The following FGF13 variants were observed in gnomAD, a reference collection of about 807,000 sequenced individuals.
FGF13 encodes the protein fibroblast growth factor 13, also known as fibroblast growth factor homologous factor 2.
A neutral mutation model predicts 19.5 loss-of-function variants in FGF13; 2 were observed. The ratio of observed to expected loss-of-function variants is 0.10; its 90% CI spans 0.04 to 0.32. The LOEUF is 0.32. Among genes scored for constraint, FGF13 ranks in the 10% least tolerant of loss-of-function variants. The pLI, the probability that FGF13 is intolerant of heterozygous loss-of-function variation, is 1.00. For missense variants in FGF13, 113 were observed against 192.7 expected (o/e 0.59, Z 2.45); for synonymous variants, 72 against 76.9 (o/e 0.94, Z 0.33).
intron 3 of FGF13, among the ~76,000 whole-genome samples, chrX:138,653,271 C>A (rs1336904528): frequency 9.0e-6 from 1 of 110,965 alleles, no homozygotes. Context: ...AAATATTAAC[C>A]AAATACATGC....
intron 3 of FGF13, among the ~76,000 whole-genome samples, chrX:138,644,697 T>C (rs2089288300): frequency 8.9e-6 from 1 of 111,918 alleles, no homozygotes; most frequent in African/African-American, 3.3e-5. Flanking sequence ...CTTCAAAAAC[T>C]TTGAAAGGAG....
intron 2 of FGF13, among the ~76,000 whole-genome samples, 168 bp downstream of exon 2, chrX:138,708,650 G>C (rs1431989103): frequency 8.9e-6 from 1 of 112,585 alleles, no homozygotes; most frequent in Non-Finnish European, 1.9e-5. Context: ...ATCTTAGACA[G>C]ACTCATATTC....
intron 1 of FGF13, among the ~76,000 whole-genome samples, chrX:138,949,641 C>A (rs2091800034): frequency 9.0e-6 from 1 of 111,546 alleles, no homozygotes. Context: ...CACTTCAACT[C>A]AGTAAAGATG....
intron 1 of FGF13, among the ~76,000 whole-genome samples, chrX:139,127,424 C>T (rs1009970544): frequency 5.4e-5 from 6 of 111,419 alleles, no homozygotes; most frequent in East Asian, 5.7e-4. Context: ...TTACCTGTGG[C>T]GGATTAGTGT....
intron 3 of FGF13, among the ~76,000 whole-genome samples, chrX:138,680,023 T>G (rs2089712800): frequency 8.9e-6 from 1 of 112,536 alleles, no homozygotes; most frequent in Non-Finnish European, 1.9e-5. Flanking sequence ...CATAGCATCG[T>G]CACCATTCAA....
At chrX:139,140,245 A>T (rs113968936) in intron 1 of FGF13, among the ~76,000 whole-genome samples, 1,159 of 111,103 alleles carry the variant, frequency 0.01, 14 homozygotes, top group South Asian at 0.046. Context: ...GGAGTCATTC[A>T]CTCACCTCAC....
At chrX:138,843,868 T>A (rs2091165331) in intron 3 of FGF13, among the ~76,000 whole-genome samples, 1 of 111,695 alleles carries the variant, frequency 9.0e-6, no homozygotes, top group African/African-American at 3.3e-5. Context: ...CCTTGGTGAG[T>A]GGGACACTCT....
chrX:139,161,371 A>G (rs1445212424), intron 1 of FGF13, among the ~76,000 whole-genome samples: 3 of 111,660 alleles, frequency 2.7e-5, no homozygotes, highest in African/African-American at 9.8e-5. Context: ...CTTATGACAA[A>G]CCCACAGTCA....
At chrX:138,894,270 T>C (rs1603008228) in intron 1 of FGF13, among the ~76,000 whole-genome samples, 1 of 110,063 alleles carries the variant, frequency 9.1e-6, no homozygotes, top group Middle Eastern at 4.7e-3. Context: ...AGCAAACACA[T>C]TCAAAAGCTA....
rs57335781 is a variant in FGF13 at position 139,197,993 on chromosome X, CAAAAAAAA to C, written c.-113+5415_-113+5422del. ...TGGGTGACAGATTGAGACCCTACCTCAAAAAAAAAAAAAAAAAAAAAAAAAGAATAAAA... is the reference window on the plus strand; with the variant it reads ...TGGGTGACAGATTGAGACCCTACCTCAAAAAAAAAAAAAAAAAGAATAAAA... On this transcript the variant is annotated intron_variant, in intron 1 of 2. Coordinates refer to the FGF13 transcript ENST00000421460. Among the ~76,000 whole-genome samples, 12 of 23,292 alleles carry C rather than the reference CAAAAAAAA, an allele frequency of 5.2e-4. 1 individual carries two copies. In the South Asian group the frequency reaches 0.011, roughly 20 times the overall value. The allele number at this position is 23,292 out of a possible 115,157, so 20.2% of individuals were successfully genotyped here.
chrX:138,817,243 C>G (rs781372654), intron 3 of FGF13, among the ~76,000 whole-genome samples: 1 of 111,279 alleles, frequency 9.0e-6, no homozygotes, highest in East Asian at 2.9e-4. Flanking sequence ...TTAGGTATAC[C>G]GCCTTGTGGT....
At chrX:138,886,120 G>C (rs772117758) in intron 1 of FGF13, among the ~76,000 whole-genome samples, 76 of 111,600 alleles carry the variant, frequency 6.8e-4, no homozygotes, top group African/African-American at 2.4e-3. Context: ...CAATTCTGCC[G>C]GTCATGAGGG....
chrX:138,856,489 T>C (rs1347772039), downstream of FGF13, among the ~76,000 whole-genome samples: 2 of 111,839 alleles, frequency 1.8e-5, no homozygotes, highest in African/African-American at 6.5e-5. Flanking sequence ...AGGATTCCCA[T>C]AATGATGCAA....
chrX:139,034,912 A>G (rs888955719), intron 1 of FGF13, among the ~76,000 whole-genome samples: 1 of 111,923 alleles, frequency 8.9e-6, no homozygotes, highest in Non-Finnish European at 1.9e-5. Context: ...TGTTTTCATA[A>G]TAACAACACA....
intron 1 of FGF13, among the ~76,000 whole-genome samples, chrX:139,188,745 T>C (rs780960992): frequency 2.7e-5 from 3 of 112,718 alleles, no homozygotes; most frequent in South Asian, 7.2e-4. Context: ...TTTGTGCTCC[T>C]AAACATGAGC....
chrX:138,851,207 C>T (rs769319887), intron 3 of FGF13, among the ~76,000 whole-genome samples: 128 of 111,930 alleles, frequency 1.1e-3, no homozygotes, highest in Admixed American at 1.9e-4. Context: ...CATATGTATG[C>T]ATGTATTTTT....
At chrX:139,033,050 A>AAAAAAAAAAAAAAC (rs1569444631) in intron 1 of FGF13, among the ~76,000 whole-genome samples, 1 of 98,978 alleles carries the variant, frequency 1.0e-5, no homozygotes, top group African/African-American at 3.8e-5. Flanking sequence ...AAAAAAAAAA[A>AAAAAAAAAAAAAAC]AAAAACTACA....
intron 3 of FGF13, among the ~76,000 whole-genome samples, chrX:138,780,998 C>T (rs769009763): frequency 2.7e-5 from 3 of 111,344 alleles, no homozygotes; most frequent in African/African-American, 6.6e-5. Context: ...AACTAGAACT[C>T]AGGATTAATA....
intron 1 of FGF13, among the ~76,000 whole-genome samples, chrX:139,041,751 C>T (rs1455467418): frequency 9.0e-6 from 1 of 111,577 alleles, no homozygotes; most frequent in African/African-American, 3.3e-5. Flanking sequence ...AGGTATTTTC[C>T]AATAACATTA....
Sources: gnomAD v4.1 joint callset for allele counts (sites outside exome capture counted in the v4.1 genomes callset) on GRCh38, gnomAD v4.1.1 for gene constraint, MANE v1.5 for transcripts, NCBI Gene and HGNC (gene_info 2026-07-23, HGNC 2026-07-21) for gene names.